RET: variants seen among roughly 807,000 people sequenced by gnomAD.
RET encodes the protein ret proto-oncogene.
RET carries 19 observed loss-of-function variants against 118.3 expected under a neutral mutation model. The ratio of observed to expected loss-of-function variants is 0.16; its 90% CI spans 0.11 to 0.24. The LOEUF is 0.24. Ranked by LOEUF, RET falls within the 10% of genes least tolerant of loss-of-function variation. The pLI, the probability that RET is intolerant of heterozygous loss-of-function variation, is 1.00. For missense variants in RET, 1,219 were observed against 1,502.1 expected (o/e 0.81, Z 3.12); for synonymous variants, 597 against 644.1 (o/e 0.93, Z 1.11).
At chr10:43,112,810 G>A (rs200469933) in intron 8 of RET, 43 bp from the exon 9 acceptor site, 83 of 1,520,820 alleles carry the variant, frequency 5.5e-5, no homozygotes, top group Middle Eastern at 1.7e-4. Context: ...GGCGTGTGGC[G>A]GGGCTCCCAC....
chr10:43,085,842 C>T (rs1030766304), intron 1 of RET, among the ~76,000 whole-genome samples: 1 of 152,182 alleles, frequency 6.6e-6, no homozygotes, highest in Admixed American at 6.5e-5. Flanking sequence ...CATCCAGATG[C>T]AGGTGGTGCC....
chr10:43,104,634 C>T (rs1564490936), intron 3 of RET: 13 of 505,540 alleles, frequency 2.6e-5, no homozygotes, highest in Middle Eastern at 5.4e-4. Flanking sequence ...GCCAGGTGGG[C>T]GGAGGGGTGT....
chr10:43,128,717 A>G lies in RET; in HGVS notation c.*448A>G, dbSNP rs1838386539. ...ACACACAAAAAAGGCAGTAGGAAAA[A>G]TGCTGGCCCTGATGACCTGTCCTTA... On this transcript the variant is annotated 3_prime_UTR_variant, in exon 20 of 20. Transcript: ENST00000355710. 1 of 378,438 alleles carries G rather than the reference A, an allele frequency of 2.6e-6. No homozygotes were observed. The highest frequency in any genetic ancestry group is 2.0e-5 in the African/African-American group (1 of 49,250). The allele number at this position is 378,438 out of a possible 1,614,324, so 23.4% of individuals were successfully genotyped here. A position where few individuals can be genotyped will look rare whatever the true frequency, so the allele number is the denominator to read the frequency against.
intron 1 of RET, among the ~76,000 whole-genome samples, chr10:43,080,295 G>C (rs1837151395): frequency 6.6e-6 from 1 of 152,216 alleles, no homozygotes; most frequent in Non-Finnish European, 1.5e-5. Context: ...CTGCAGCCTG[G>C]CCGAAGACCC....
intron 3 of RET, among the ~76,000 whole-genome samples, chr10:43,103,735 T>C (rs1045063543): frequency 1.3e-5 from 2 of 152,252 alleles, no homozygotes; most frequent in African/African-American, 2.4e-5. Flanking sequence ...CTGCCCTTTT[T>C]CACTAAAAAT....
At chr10:43,120,641 G>A (rs1312621795) in intron 15 of RET, among the ~76,000 whole-genome samples, 25 of 152,226 alleles carry the variant, frequency 1.6e-4, no homozygotes, top group Admixed American at 1.6e-3. Context: ...CCCGCACAGG[G>A]GCCTTGGACA....
intron 1 of RET, among the ~76,000 whole-genome samples, chr10:43,080,319 G>A (rs1046305998): frequency 6.6e-5 from 10 of 152,204 alleles, no homozygotes; most frequent in African/African-American, 1.9e-4. Context: ...AGGTCCCCTC[G>A]TCTTAACTGG....
chr10:43,090,421 G>A (rs1837386471), intron 1 of RET, among the ~76,000 whole-genome samples: 1 of 152,164 alleles, frequency 6.6e-6, no homozygotes, highest in South Asian at 2.1e-4. Context: ...TGTGACAGAA[G>A]GCAGTTGAGA....
rs1838012034 is a variant in RET at position 43,114,318 on chromosome 10, T to C, written c.1880-162T>C. ...AGGGGGCAGTAAATGGCAGTACCCA[T>C]GCTCGATGGGGTGTTCTCAGGCCTT... On this transcript the variant is annotated intron_variant, in intron 10 of 19. Transcript: ENST00000355710. This position sits in a 1 kb window ranked among gnomAD's most constrained non-coding sequence, Gnocchi z 4.6. Among the ~76,000 whole-genome samples, 1 of 152,108 alleles carries C rather than the reference T, an allele frequency of 6.6e-6. No homozygotes were observed. Among genetic ancestry groups the C allele is most frequent in the Non-Finnish European group, 1.5e-5 (1 of 68,008 alleles).
rs144981275 is a variant in RET, at chr10:43,106,516, C to T, written c.1008C>T (p.Asn336=). 4 of 1,613,796 alleles carry T rather than the reference C, an allele frequency of 2.5e-6. No individual in the cohort carries two copies. Among genetic ancestry groups the T allele is most frequent in the African/African-American group, 1.3e-5 (1 of 75,040 alleles). The change falls in exon 5 of 20, where the codon AAC becomes AAT. Residue 336 remains asparagine (N), a synonymous_variant. Transcript: ENST00000355710. The surrounding 1 kb of genome is among the most constrained non-coding windows in gnomAD (Gnocchi z 5.1). The part of the protein sequence containing the change: ...QQTFRVEHWP[N]ETSVQANGSF... ...CCTTCCGGGTGGAACACTGGCCCAA[C>T]GAGACCTCGGTCCAGGCCAACGGCA...
At chr10:43,123,915 G>C in intron 17 of RET, 107 bp downstream of exon 17, 1 of 1,552,142 alleles carries the variant, frequency 6.4e-7, no homozygotes. Context: ...GGAGAAGTGG[G>C]GGGTGGGGAG....
rs768913970 is a variant in RET, at chr10:43,118,507, G to A, written c.2392+27G>A. The A allele has an allele frequency of 4.5e-6, 7 of 1,540,104 alleles. 1 individual carries two copies. The South Asian group carries it at 7.8e-5, about 17-fold the overall frequency. On this transcript the variant is annotated intron_variant, in intron 13 of 19. Coordinates refer to ENST00000355710, the MANE Select transcript of RET (RefSeq NM_020975.6). ...TAAGGCCAGCTGCAGGGTGAGGTGG[G>A]CAGCCACTGCACCCAGGCTGGGGGC... is the stretch of plus-strand genomic sequence containing the variant.
At chr10:43,104,311 AAAAGCAGCC>A (rs1369676823) in intron 3 of RET, among the ~76,000 whole-genome samples, 2 of 152,148 alleles carry the variant, frequency 1.3e-5, no homozygotes, top group African/African-American at 4.8e-5. Flanking sequence ...ACAGTTTTTA[AAAAGCAGCC>A]AAGGTCACCA....
At chr10:43,120,732 A>C (rs1025734791) in intron 15 of RET, among the ~76,000 whole-genome samples, 5 of 152,158 alleles carry the variant, frequency 3.3e-5, no homozygotes, top group African/African-American at 1.2e-4. Context: ...AAGTCTATGA[A>C]ACAGGCAGTG....
Position 43,102,702 on chromosome 10 carries a change from A to G in RET, c.625+73A>G, listed in dbSNP as rs953014052. 4 of 1,572,786 alleles carry G rather than the reference A, an allele frequency of 2.5e-6. No homozygotes were observed. In the African/African-American group the frequency reaches 5.4e-5, roughly 21 times the overall value. On this transcript the variant is annotated intron_variant, in intron 3 of 19. Coordinates refer to ENST00000355710, the MANE Select transcript of RET (RefSeq NM_020975.6). ...GTCTTGCTCTGCGAGCCCTTGACACAAGCCATCTGGTTTATTCTTCACCTT... is the reference window on the plus strand; with the variant it reads ...GTCTTGCTCTGCGAGCCCTTGACACGAGCCATCTGGTTTATTCTTCACCTT...
Position 43,106,446 on chromosome 10 carries a change from G to A in RET, c.938G>A (p.Arg313Gln), listed in dbSNP as rs77702891. The A allele has an allele frequency of 2.8e-5, 45 of 1,613,324 alleles. No homozygotes were observed. In the Admixed American group the frequency reaches 5.0e-4, roughly 18 times the overall value. Reference protein sequence around the residue: ...VVPASGELVRRYTSTLLPGDT... With the variant: ...VVPASGELVRQYTSTLLPGDT... ...CCTGCATCAGGGGAGCTGGTGAGGCGGTACACAAGCACGCTGCTCCCCGGG... is the reference window on the plus strand; with the variant it reads ...CCTGCATCAGGGGAGCTGGTGAGGCAGTACACAAGCACGCTGCTCCCCGGG... Residue 313 changes from arginine to glutamine, a missense_variant, in exon 5 of 20, where the codon CGG (arginine) becomes CAG (glutamine). By Grantham distance (43) the Arg-to-Gln change is conservative. Coordinates refer to ENST00000355710, the MANE Select transcript of RET (RefSeq NM_020975.6). The surrounding 1 kb of genome is among the most constrained non-coding windows in gnomAD (Gnocchi z 5.1).
chr10:43,114,493 C>A lies in RET; in HGVS notation c.1893C>A (p.Asp631Glu), dbSNP rs55846256. Residue 631 changes from aspartate to glutamate, a missense_variant, in exon 11 of 20, where the codon GAC becomes GAA. By Grantham distance (45) the Asp-to-Glu change is conservative (BLOSUM62 2). This residue lies in a region of RET where 850 missense variants were observed against 969.6 expected (regional missense o/e 0.88). Coordinates refer to ENST00000355710, the MANE Select transcript of RET (RefSeq NM_020975.6). The surrounding 1 kb of genome is among the most constrained non-coding windows in gnomAD (Gnocchi z 4.6). ...EPEDIQDPLCDELCRTVIAAA... is the reference protein window; with the variant it reads ...EPEDIQDPLCEELCRTVIAAA... ...CCCCACCCACAGATCCACTGTGCGA[C>A]GAGCTGTGCCGCACGGTGATCGCAG... 5.6e-6 allele frequency: 9 copies of A among 1,607,098 alleles called. No individual in the cohort carries two copies. The highest frequency in any genetic ancestry group is 2.7e-5 in the African/African-American group (2 of 74,872).
chr10:43,098,123 G>A (rs1466616737), intron 1 of RET, among the ~76,000 whole-genome samples: 2 of 152,106 alleles, frequency 1.3e-5, no homozygotes, highest in African/African-American at 2.4e-5. Context: ...CTATTTTTAA[G>A]TATACATTTC....
In RET at chr10:43,106,248, G is replaced by A. The variant is rs1837771594; in HGVS notation, c.868-128G>A. 12 of 948,036 alleles carry A rather than the reference G, an allele frequency of 1.3e-5. No individual in the cohort carries two copies. Among genetic ancestry groups the A allele is most frequent in the Non-Finnish European group, 2.0e-5 (12 of 611,470 alleles). The allele number at this position is 948,036 out of a possible 1,614,324, so 58.7% of individuals were successfully genotyped here. ...CCAGGTCAGACTGTCCCCAGACCTG[G>A]CTCTGACAACACACATCTGGTCCAC... On this transcript the variant is annotated intron_variant, in intron 4 of 19. Coordinates refer to ENST00000355710, the MANE Select transcript of RET (RefSeq NM_020975.6). This position sits in a 1 kb window ranked among gnomAD's most constrained non-coding sequence, Gnocchi z 5.1.
Sources: allele counts gnomAD v4.1 joint callset (sites outside exome capture counted in the v4.1 genomes callset), GRCh38; gene constraint gnomAD v4.1.1; regional missense constraint gnomAD v4.1.1; non-coding constraint Gnocchi (gnomAD v3.1); transcripts MANE v1.5; gene names NCBI Gene and HGNC (gene_info 2026-07-23, HGNC 2026-07-21).